Variants in CREB5 observed in about 807,000 individuals in gnomAD.
CREB5 encodes cyclic AMP-responsive element-binding protein 5.
A neutral mutation model predicts 57.1 loss-of-function variants in CREB5; 19 were observed. The observed-to-expected ratio is 0.33, with a 90% CI of 0.23 to 0.49. The LOEUF (loss-of-function observed/expected upper bound fraction) is 0.49. Ranked by LOEUF, CREB5 falls within the 20% of genes least tolerant of loss-of-function variation. The probability of loss-of-function intolerance (pLI) is 0.99; values close to 1 mark genes in which losing one functional copy is unlikely to be tolerated. For missense variants in CREB5, 579 were observed against 671.6 expected, an observed-to-expected ratio of 0.86 and a Z score of 1.52; for synonymous variants, 238 against 238.3, an observed-to-expected ratio of 1.00 and a Z score of 0.01.
At chr7:28,495,039 T>C in intron 3 of CREB5, 40 bp downstream of exon 3, 4 of 1,437,860 alleles carry the variant, frequency 2.8e-6, no homozygotes, top group Non-Finnish European at 3.8e-6. Flanking sequence ...GGTGATCAGA[T>C]CTGTTCCATG....
rs1245377870 is a variant in CREB5, at chr7:28,804,236, T to C, written c.740T>C (p.Met247Thr). 4 of 1,613,942 alleles carry C rather than the reference T, an allele frequency of 2.5e-6. No homozygotes were observed. The highest frequency in any genetic ancestry group is 4.5e-5 in the East Asian group (2 of 44,886). ...KAALTHHPAA[M>T]SNGNMNTMGH... ...GCATTGACTCACCACCCTGCTGCCATGTCAAATGGGAACATGAACACCATG... is the reference window on the plus strand; with the variant it reads ...GCATTGACTCACCACCCTGCTGCCACGTCAAATGGGAACATGAACACCATG... Residue 247 changes from methionine (M) to threonine (T), a missense_variant, in exon 8 of 11, where the codon ATG (methionine) becomes ACG (threonine). This residue lies in a region of CREB5 where 459 missense variants were observed against 515.7 expected (regional missense o/e 0.89). Transcript: ENST00000357727.
intron 1 of CREB5, among the ~76,000 whole-genome samples, chr7:28,332,425 T>C (rs1167863704): frequency 6.6e-6 from 1 of 152,200 alleles, no homozygotes; most frequent in Non-Finnish European, 1.5e-5. Context: ...GATTTAAGTA[T>C]TCCTAAGTGC....
intron 4 of CREB5, among the ~76,000 whole-genome samples, chr7:28,564,606 A>G (rs1304301972): frequency 2.6e-5 from 4 of 152,208 alleles, no homozygotes; most frequent in Non-Finnish European, 5.9e-5. Context: ...TAATGAATGG[A>G]GAGCAAAGCA....
rs1491568528 is a variant in CREB5, at chr7:28,560,898, G to GCGCA, written c.292-9467_292-9466insCGCA. ...CGCGTGCGTGCGTGCGTGTGTGTGC[G>GCGCA]TGCGCGCGTGCGTGTGCGTGTGTGC... On this transcript the variant is annotated intron_variant, in intron 4 of 10. Transcript: ENST00000357727. Among the ~76,000 whole-genome samples, 257 of 29,340 alleles carry GCGCA rather than the reference G, an allele frequency of 8.8e-3. 13 individuals are homozygous for GCGCA. Among genetic ancestry groups the GCGCA allele is most frequent in the Non-Finnish European group, 0.012 (198 of 17,026 alleles). 19.2% of individuals were successfully genotyped at this position (29,340 alleles called of 152,430 possible).
At chr7:28,518,708 G>A (rs886431390) in intron 4 of CREB5, among the ~76,000 whole-genome samples, 7 of 152,264 alleles carry the variant, frequency 4.6e-5, no homozygotes, top group African/African-American at 1.7e-4. Flanking sequence ...CCCTTTCTCA[G>A]TGTGTCGTGC....
At chr7:28,729,852 G>A (rs749412151) in intron 7 of CREB5, among the ~76,000 whole-genome samples, 4 of 152,282 alleles carry the variant, frequency 2.6e-5, no homozygotes, top group Non-Finnish European at 4.4e-5. Flanking sequence ...TGTAGCCTGT[G>A]ATCAAAACAT....
At chr7:28,652,591 G>A (rs1413798130) in intron 5 of CREB5, among the ~76,000 whole-genome samples, 2 of 152,158 alleles carry the variant, frequency 1.3e-5, no homozygotes, top group Non-Finnish European at 2.9e-5. Flanking sequence ...TTGAGCCTTA[G>A]TTTCTCCTTC....
chr7:28,580,934 G>A (rs558266218), intron 5 of CREB5, among the ~76,000 whole-genome samples: 4 of 152,274 alleles, frequency 2.6e-5, no homozygotes, highest in African/African-American at 9.6e-5. Flanking sequence ...GCATGAATGA[G>A]TGCTGGTACT....
intron 7 of CREB5, among the ~76,000 whole-genome samples, chr7:28,790,033 C>T (rs1471419581): frequency 6.6e-6 from 1 of 152,146 alleles, no homozygotes; most frequent in Non-Finnish European, 1.5e-5. Context: ...GGAATGAAAG[C>T]ACTTAGGTGC....
chr7:28,544,137 G>A (rs999232290), intron 4 of CREB5, among the ~76,000 whole-genome samples: 1 of 151,930 alleles, frequency 6.6e-6, no homozygotes, highest in Non-Finnish European at 1.5e-5. Context: ...TAGATTGCAT[G>A]CTTCTAATGT....
At chr7:28,614,984 T>C (rs1797540308) in intron 5 of CREB5, 1 of 152,236 alleles carries the variant, frequency 6.6e-6, no homozygotes, top group Non-Finnish European at 1.5e-5. Context: ...ATATTACCCA[T>C]ACTATATTAA....
At chr7:28,303,928 T>C (rs941510572) in intron 1 of CREB5, among the ~76,000 whole-genome samples, 3 of 152,266 alleles carry the variant, frequency 2.0e-5, no homozygotes, top group Non-Finnish European at 2.9e-5. Flanking sequence ...AAAATAAATA[T>C]AGTTTTAGAA....
At chr7:28,653,690 C>T (rs759212199) in intron 5 of CREB5, among the ~76,000 whole-genome samples, 1 of 152,252 alleles carries the variant, frequency 6.6e-6, no homozygotes, top group Non-Finnish European at 1.5e-5. Flanking sequence ...CCCAAAGATG[C>T]ACAGAAGCAG....
intron 7 of CREB5, among the ~76,000 whole-genome samples, chr7:28,739,919 T>C (rs1804238344): frequency 6.6e-6 from 1 of 152,230 alleles, no homozygotes; most frequent in Admixed American, 6.5e-5. Context: ...ATTAATGTCT[T>C]TCTACTGGGA....
intron 3 of CREB5, among the ~76,000 whole-genome samples, chr7:28,499,602 A>G (rs1269119262): frequency 6.6e-6 from 1 of 152,128 alleles, no homozygotes; most frequent in Non-Finnish European, 1.5e-5. Flanking sequence ...TTTTGTTTTG[A>G]GATGGAGTTT....
chr7:28,649,277 A>G (rs936719212), intron 5 of CREB5, among the ~76,000 whole-genome samples: 3 of 152,252 alleles, frequency 2.0e-5, no homozygotes, highest in Non-Finnish European at 4.4e-5. Context: ...CCTGTTTTGT[A>G]TGTCCCACAA....
chr7:28,727,741 G>A (rs536904094), intron 7 of CREB5, among the ~76,000 whole-genome samples: 9 of 152,160 alleles, frequency 5.9e-5, no homozygotes, highest in Non-Finnish European at 8.8e-5. Flanking sequence ...CTATGAGGTG[G>A]CTACTACTGT....
intron 3 of CREB5, among the ~76,000 whole-genome samples, chr7:28,504,093 C>CA (rs1301960155): frequency 6.6e-6 from 1 of 152,156 alleles, no homozygotes; most frequent in Non-Finnish European, 1.5e-5. Context: ...TGGGGCTTAA[C>CA]TTTTGTTTTA....
intron 7 of CREB5, among the ~76,000 whole-genome samples, chr7:28,776,547 C>G (rs1003521371): frequency 6.6e-6 from 1 of 152,148 alleles, no homozygotes; most frequent in South Asian, 2.1e-4. Flanking sequence ...AAACTGAGCT[C>G]TAATTCACAT....
Sources: gnomAD v4.1 joint callset for allele counts (sites outside exome capture counted in the v4.1 genomes callset) on GRCh38, gnomAD v4.1.1 for gene constraint, gnomAD v4.1.1 regional missense constraint, MANE v1.5 for transcripts, NCBI Gene and HGNC (gene_info 2026-07-23, HGNC 2026-07-21) for gene names.